The following PPME1 variants were observed in gnomAD, a reference collection of about 807,000 sequenced individuals.
PPME1 encodes the protein testicular secretory protein Li 39.
In PPME1, 17 loss-of-function variants were observed where a neutral mutation model predicts 56.9. The observed-to-expected ratio is 0.30, with a 90% CI of 0.20 to 0.45. The LOEUF is 0.45. Ranked by LOEUF, PPME1 falls within the 20% of genes least tolerant of loss-of-function variation. PPME1 has a pLI of 1.00. For synonymous variants in PPME1, 122 were observed against 156.2 expected (o/e 0.78, Z 1.63); for missense variants, 357 against 483.2 (o/e 0.74, Z 2.45).
intron 1 of PPME1, among the ~76,000 whole-genome samples, chr11:74,194,098 T>C (rs1857915249): frequency 6.6e-6 from 1 of 152,218 alleles, no homozygotes; most frequent in Non-Finnish European, 1.5e-5. Context: ...GTAAATGATA[T>C]GTATTTAGCT....
rs757409598 is a variant in PPME1, at chr11:74,225,220, A to G, written c.362A>G (p.Lys121Arg). The G allele has an allele frequency of 1.9e-6, 3 of 1,565,360 alleles. No homozygotes were observed. The Admixed American group carries it at 5.5e-5, about 29-fold the overall frequency. ...DLRSHGETKV[K>R]NPEDLSAETM... ...TTCATTTTAGGTGAAACAAAGGTCA[A>G]GAATCCTGAAGATCTGTCTGCAGAA... The change falls in exon 5 of 14, where the codon AAG becomes AGG. Residue 121 changes from lysine to arginine, a missense_variant. By Grantham distance (26) the Lys-to-Arg change is conservative. This residue lies in a region of PPME1 where 175 missense variants were observed against 189.4 expected (regional missense o/e 0.92). Coordinates refer to ENST00000328257, the MANE Select transcript of PPME1 (RefSeq NM_016147.3).
chr11:74,177,251 G>C (rs916581281), intron 1 of PPME1, among the ~76,000 whole-genome samples: 1 of 152,016 alleles, frequency 6.6e-6, no homozygotes, highest in Admixed American at 6.5e-5. Flanking sequence ...ACTTGAGCTT[G>C]GGAGTTGGAG....
At chr11:74,180,000 C>T (rs936254045) in intron 1 of PPME1, among the ~76,000 whole-genome samples, 2 of 152,164 alleles carry the variant, frequency 1.3e-5, no homozygotes, top group Admixed American at 6.5e-5. Flanking sequence ...CAATAACTCT[C>T]TTAACAGACT....
chr11:74,210,313 A>T (rs1382463397), intron 3 of PPME1, among the ~76,000 whole-genome samples: 3 of 152,208 alleles, frequency 2.0e-5, no homozygotes, highest in African/African-American at 7.2e-5. Flanking sequence ...CTAGGAATAG[A>T]TGAAAAACTT....
intron 1 of PPME1, among the ~76,000 whole-genome samples, chr11:74,201,657 G>A (rs1054797211): frequency 6.6e-6 from 1 of 152,156 alleles, no homozygotes; most frequent in Non-Finnish European, 1.5e-5. Context: ...TTTTTCATCT[G>A]TTAAATGGGC....
At chr11:74,185,101 G>C (rs919663942) in intron 1 of PPME1, among the ~76,000 whole-genome samples, 2 of 145,358 alleles carry the variant, frequency 1.4e-5, no homozygotes, top group Non-Finnish European at 3.0e-5. Flanking sequence ...CCGGCTTCAA[G>C]CGATTCTCCT....
At chr11:74,202,072 C>A (rs573137834) in intron 1 of PPME1, among the ~76,000 whole-genome samples, 1 of 152,272 alleles carries the variant, frequency 6.6e-6, no homozygotes, top group Non-Finnish European at 1.5e-5. Context: ...GTATTAGATT[C>A]TTTAAAGGTA....
intron 3 of PPME1, among the ~76,000 whole-genome samples, chr11:74,220,940 C>T (rs1231691572): frequency 1.3e-5 from 2 of 152,056 alleles, no homozygotes; most frequent in Non-Finnish European, 2.9e-5. Context: ...TTATTTTTTT[C>T]TAGTCTTCTT....
In PPME1 at chr11:74,230,416, C is replaced by G. The variant is rs756281154; in HGVS notation, c.553+17C>G. The G allele has an allele frequency of 6.2e-7, 1 of 1,612,226 alleles. No homozygotes were observed. Among genetic ancestry groups the G allele is most frequent in the Admixed American group, 1.7e-5 (1 of 59,734 alleles). ...TTGTAGAAGGTGAGTTTTCTTAGCA[C>G]TGACCAAATCAGGATTTCACTTATA... On this transcript the variant is annotated intron_variant, in intron 6 of 13. Transcript: ENST00000328257. The surrounding 1 kb of genome is among the most constrained non-coding windows in gnomAD (Gnocchi z 4.9).
intron 3 of PPME1, among the ~76,000 whole-genome samples, chr11:74,211,970 C>T (rs530178497): frequency 1.3e-5 from 2 of 152,268 alleles, no homozygotes; most frequent in South Asian, 2.1e-4. Flanking sequence ...CTCCACTTGT[C>T]GTCCTCCCCA....
chr11:74,241,784 A>G (rs1047870525), intron 9 of PPME1, among the ~76,000 whole-genome samples: 3 of 152,196 alleles, frequency 2.0e-5, no homozygotes, highest in Middle Eastern at 3.4e-3. Flanking sequence ...CCACTTATAT[A>G]TCTTCTTTGG....
chr11:74,233,015 G>A (rs939111304), intron 7 of PPME1, among the ~76,000 whole-genome samples: 1 of 151,460 alleles, frequency 6.6e-6, no homozygotes, highest in Non-Finnish European at 1.5e-5. Flanking sequence ...CCCTTTTTCC[G>A]AACTCTAAAA....
Position 74,251,387 on chromosome 11 carries a change from C to G in PPME1, c.1075-261C>G. 4 of 1,362,808 alleles carry G rather than the reference C, an allele frequency of 2.9e-6. No homozygotes were observed. The South Asian group carries it at 7.8e-5, about 27-fold the overall frequency. 84.4% of individuals were successfully genotyped at this position (1,362,808 alleles called of 1,614,324 possible). A position where few individuals can be genotyped will look rare whatever the true frequency, so the allele number is the denominator to read the frequency against. ...TATGGGCTCCTCCTGTGAGAAAACA[C>G]CATTCTGTAACTCTGAGGGCACACA... On this transcript the variant is annotated intron_variant, in intron 12 of 13. Coordinates refer to ENST00000328257, the MANE Select transcript of PPME1 (RefSeq NM_016147.3).
intron 8 of PPME1, among the ~76,000 whole-genome samples, chr11:74,237,278 T>TC (rs1270660773): frequency 6.8e-6 from 1 of 146,228 alleles, no homozygotes; most frequent in Non-Finnish European, 1.5e-5. Flanking sequence ...TGGTTGTCTT[T>TC]TTTTTTTTTT....
At chr11:74,242,201 C>T (rs536698251) in intron 9 of PPME1, among the ~76,000 whole-genome samples, 19 of 152,316 alleles carry the variant, frequency 1.2e-4, no homozygotes, top group Non-Finnish European at 2.6e-4. Context: ...ACCCAATAAA[C>T]AGCCTGTCCC....
chr11:74,215,975 C>T (rs1858629894), intron 3 of PPME1, among the ~76,000 whole-genome samples: 1 of 152,066 alleles, frequency 6.6e-6, no homozygotes, highest in South Asian at 2.1e-4. Flanking sequence ...ATATATGCAC[C>T]CAACACTGGA....
intron 9 of PPME1, among the ~76,000 whole-genome samples, 171 bp downstream of exon 9, chr11:74,239,427 G>C (rs1164451252): frequency 6.6e-6 from 1 of 152,168 alleles, no homozygotes; most frequent in African/African-American, 2.4e-5. Flanking sequence ...AAGCACTGTT[G>C]ATAGCTCTGA....
chr11:74,188,671 T>C (rs1442470943), intron 1 of PPME1, among the ~76,000 whole-genome samples: 1 of 152,218 alleles, frequency 6.6e-6, no homozygotes, highest in East Asian at 1.9e-4. Context: ...TCCAAATATG[T>C]ATGTATATGG....
In PPME1 at chr11:74,230,171, G is replaced by C; in HGVS notation, c.399-74G>C. On this transcript the variant is annotated intron_variant, in intron 5 of 13. Transcript: ENST00000328257. This position sits in a 1 kb window ranked among gnomAD's most constrained non-coding sequence, Gnocchi z 4.9. ...CCAGCACTGTTACACACCAAAGAAA[G>C]GAACTGGGAAAGAAAACCATTTTTA... 6.8e-7 allele frequency: 1 copy of C among 1,480,170 alleles called. No homozygotes were observed. Among genetic ancestry groups the C allele is most frequent in the Non-Finnish European group, 9.1e-7 (1 of 1,095,412 alleles). The allele number at this position is 1,480,170 out of a possible 1,614,324, so 91.7% of individuals were successfully genotyped here. A position where few individuals can be genotyped will look rare whatever the true frequency, so the allele number is the denominator to read the frequency against.
Sources: gnomAD v4.1 joint callset for allele counts (sites outside exome capture counted in the v4.1 genomes callset) on GRCh38, gnomAD v4.1.1 for gene constraint, gnomAD v4.1.1 regional missense constraint, Gnocchi (gnomAD v3.1) non-coding constraint, MANE v1.5 for transcripts, NCBI Gene and HGNC (gene_info 2026-07-23, HGNC 2026-07-21) for gene names.